Variants in PRPH observed in about 807,000 individuals in gnomAD.
The protein encoded by PRPH is neurofilament 4 (57kD).
Under a neutral mutation model 52.6 loss-of-function variants are expected in PRPH, and 48 were observed. The ratio of observed to expected loss-of-function variants is 0.91; its 90% CI spans 0.72 to 1.16. The LOEUF (loss-of-function observed/expected upper bound fraction) is 1.16. Ranked by LOEUF, PRPH falls within the 50% of genes most tolerant of loss-of-function variation. The probability of loss-of-function intolerance (pLI) is 0.00; values close to 1 mark genes in which losing one functional copy is unlikely to be tolerated. For synonymous variants in PRPH, 279 were observed against 283.8 expected, an observed-to-expected ratio of 0.98 and a Z score of 0.17; for missense variants, 579 against 635.7, an observed-to-expected ratio of 0.91 and a Z score of 0.96.
Position 49,296,322 on chromosome 12 carries a change from G to A in PRPH, c.606+84G>A. 1 of 1,571,398 alleles carries A rather than the reference G, an allele frequency of 6.4e-7. No homozygotes were observed. Among genetic ancestry groups the A allele is most frequent in the Non-Finnish European group, 8.7e-7 (1 of 1,146,596 alleles). On this transcript the variant is annotated intron_variant, in intron 2 of 8. Transcript: ENST00000257860. This position sits in a 1 kb window ranked among gnomAD's most constrained non-coding sequence, Gnocchi z 5.1. ...CCAGAGGTGGCATCGGTGGGCGCGG[G>A]GAGAAGGGGGTAACCCAGATGCCTC...
At position 49,295,448 on chromosome 12, in the gene PRPH, C is replaced by G. The variant is rs748951608; in HGVS notation, c.248C>G (p.Ala83Gly). 1 of 1,607,378 alleles carries G rather than the reference C, an allele frequency of 6.2e-7. No individual in the cohort carries two copies. Among genetic ancestry groups the G allele is most frequent in the Non-Finnish European group, 8.5e-7 (1 of 1,177,640 alleles). Residue 83 changes from alanine (A) to glycine (G), a missense_variant, in exon 1 of 9, where the codon GCC (alanine) becomes GGC (glycine). Physicochemically the swap from Ala to Gly is moderately conservative, Grantham distance 60 (BLOSUM62 0). Coordinates refer to ENST00000257860, the MANE Select transcript of PRPH (RefSeq NM_006262.4). ...LPSERLDFSM[A>G]EALNQEFLAT... The stretch of plus-strand genomic sequence containing the variant: ...TCGGAGCGCCTCGACTTCTCCATGG[C>G]CGAGGCCCTCAACCAGGAGTTCCTG...
At chr12:49,298,173 G>A in intron 8 of PRPH, 115 bp from the exon 9 acceptor site, 1 of 1,478,654 alleles carries the variant, frequency 6.8e-7, no homozygotes, top group Non-Finnish European at 9.3e-7. Flanking sequence ...AACGTGGATA[G>A]ATAACCAGGA....
chr12:49,295,553 T>C lies in PRPH; in HGVS notation c.353T>C (p.Leu118Pro). The change falls in exon 1 of 9, where the codon CTG becomes CCG. Residue 118 changes from leucine to proline, a missense_variant. Physicochemically the swap from Leu to Pro is moderately conservative, Grantham distance 98 (BLOSUM62 -3). Transcript: ENST00000257860. ...AACTTCATCGAGAAGGTACGCTTTCTGGAGCAGCAGAACGCGGCCCTGCGC... is the reference window on the plus strand; with the variant it reads ...AACTTCATCGAGAAGGTACGCTTTCCGGAGCAGCAGAACGCGGCCCTGCGC... ...FANFIEKVRF[L>P]EQQNAALRGE... 6.3e-7 allele frequency: 1 copy of C among 1,580,098 alleles called. No homozygotes were observed. Among genetic ancestry groups the C allele is most frequent in the Non-Finnish European group, 8.6e-7 (1 of 1,163,368 alleles).
rs1943209665 is a variant in PRPH, at chr12:49,297,854, C to T, written c.1268-104C>T. 6.4e-7 allele frequency: 1 copy of T among 1,571,902 alleles called. No homozygotes were observed. The highest frequency in any genetic ancestry group is 8.8e-7 in the Non-Finnish European group (1 of 1,142,380). On this transcript the variant is annotated intron_variant, in intron 7 of 8. Transcript: ENST00000257860. The surrounding 1 kb of genome is among the most constrained non-coding windows in gnomAD (Gnocchi z 4.4). ...GGGTCCTGGCCTGTACCCACCCCTA[C>T]TCCTCAAACCCGCCCCTCCCCTGCC...
intron 8 of PRPH, 71 bp from the exon 9 acceptor site, chr12:49,298,217 A>G (rs1010006050): frequency 6.6e-5 from 104 of 1,583,972 alleles, no homozygotes; most frequent in African/African-American, 2.7e-5. Flanking sequence ...GTGGGGCTCT[A>G]TGATCCAAAG....
Position 49,296,124 on chromosome 12 carries a change from G to A in PRPH, c.546-54G>A. On this transcript the variant is annotated intron_variant, in intron 1 of 8. Coordinates refer to ENST00000257860, the MANE Select transcript of PRPH (RefSeq NM_006262.4). The surrounding 1 kb of genome is among the most constrained non-coding windows in gnomAD (Gnocchi z 5.1). ...GATCCTGGGGGGCGTGCGGTCTGGG[G>A]TGCGAGCTGGGCGGCGACCCCGCAG... 1.9e-6 allele frequency: 3 copies of A among 1,574,084 alleles called. No homozygotes were observed. Among genetic ancestry groups the A allele is most frequent in the Non-Finnish European group, 2.6e-6 (3 of 1,156,490 alleles).
rs1476598536 is a variant in PRPH at position 49,297,908 on chromosome 12, G to C, written c.1268-50G>C. The stretch of plus-strand genomic sequence containing the variant: ...AGGGATAGCAGTGGGAGCCTAAGAG[G>C]AGAGATTCCCACGCCTTCCCCCTTG... On this transcript the variant is annotated intron_variant, in intron 7 of 8. Transcript: ENST00000257860. This position sits in a 1 kb window ranked among gnomAD's most constrained non-coding sequence, Gnocchi z 4.4. 6.2e-7 allele frequency: 1 copy of C among 1,604,774 alleles called. No homozygotes were observed. Among genetic ancestry groups the C allele is most frequent in the Non-Finnish European group, 8.5e-7 (1 of 1,171,592 alleles).
chr12:49,297,201 CA>C lies in PRPH; in HGVS notation c.926del (p.Lys309SerfsTer4). On this transcript the variant is annotated frameshift_variant, in exon 5 of 9. Coordinates refer to ENST00000257860, the MANE Select transcript of PRPH (RefSeq NM_006262.4). LOFTEE classifies it high-confidence loss of function. The surrounding 1 kb of genome is among the most constrained non-coding windows in gnomAD (Gnocchi z 4.4). ...NRNHEALRQA[K>X]QEMNESRRQI... is the part of the protein sequence containing the mutation. Reference sequence around the variant, plus strand: ...GGAACCACGAGGCCCTGCGCCAGGCCAAGCAGGAGATGAACGAGTCCCGACG... The same window carrying C: ...GGAACCACGAGGCCCTGCGCCAGGCCAGCAGGAGATGAACGAGTCCCGACG... 6.2e-7 allele frequency: 1 copy of C among 1,614,030 alleles called. No homozygotes were observed. The highest frequency in any genetic ancestry group is 8.5e-7 in the Non-Finnish European group (1 of 1,180,002).
intron 8 of PRPH, 89 bp from the exon 9 acceptor site, chr12:49,298,199 C>A (rs369434986): frequency 1.9e-6 from 3 of 1,548,586 alleles, no homozygotes; most frequent in African/African-American, 1.4e-5. Flanking sequence ...TGCTGGTTAC[C>A]CCAGGGAGTG....
Position 49,295,748 on chromosome 12 carries a change from CA to C in PRPH, c.545+4del. ...GACCTGGCGGCGCTCAAGCAGAGGT[CA>C]GGGGGCAGGGCTGGGCCGCTGCCGT... is the stretch of plus-strand genomic sequence containing the variant. On this transcript the variant is annotated splice_donor_region_variant and intron_variant, in intron 1 of 8. Coordinates refer to ENST00000257860, the MANE Select transcript of PRPH (RefSeq NM_006262.4). The C allele has an allele frequency of 6.7e-7, 1 of 1,498,988 alleles. No individual in the cohort carries two copies. Among genetic ancestry groups the C allele is most frequent in the Non-Finnish European group, 8.8e-7 (1 of 1,132,166 alleles). 92.9% of individuals were successfully genotyped at this position (1,498,988 alleles called of 1,614,324 possible).
chr12:49,295,781 G>T, intron 1 of PRPH, 36 bp downstream of exon 1: 2 of 1,447,430 alleles, frequency 1.4e-6, no homozygotes, highest in Non-Finnish European at 1.8e-6. Context: ...CCGTCGAGGC[G>T]AGGTCGAAGC....
chr12:49,296,592 G>A lies in PRPH; in HGVS notation c.702+65G>A. Reference sequence around the variant, plus strand: ...GGGGTGGTCTCGCTGGAGCTGGCGGGTGGAGCGGAGGCATCGCCCTGGGGA... The same window carrying A: ...GGGGTGGTCTCGCTGGAGCTGGCGGATGGAGCGGAGGCATCGCCCTGGGGA... On this transcript the variant is annotated intron_variant, in intron 3 of 8. Coordinates refer to ENST00000257860, the MANE Select transcript of PRPH (RefSeq NM_006262.4). This position sits in a 1 kb window ranked among gnomAD's most constrained non-coding sequence, Gnocchi z 5.1. The A allele has an allele frequency of 6.8e-7, 1 of 1,462,888 alleles. No individual in the cohort carries two copies. Among genetic ancestry groups the A allele is most frequent in the Non-Finnish European group, 9.5e-7 (1 of 1,051,536 alleles). 90.6% of individuals were successfully genotyped at this position (1,462,888 alleles called of 1,614,324 possible).
In PRPH at chr12:49,295,649, A is replaced by T. The variant is rs1437037701; in HGVS notation, c.449A>T (p.Glu150Val). The change falls in exon 1 of 9, where the codon GAG becomes GTG. Residue 150 changes from glutamate (E) to valine (V), a missense_variant. Transcript: ENST00000257860. Reference protein sequence around the residue: ...ADQLCQQELRELRRELELLGR... With the variant: ...ADQLCQQELRVLRRELELLGR... ...CAGCTGTGCCAGCAGGAGCTGCGCG[A>T]GCTGCGGCGAGAGCTGGAGCTGTTG... 6.5e-7 allele frequency: 1 copy of T among 1,539,552 alleles called. No individual in the cohort carries two copies. Among genetic ancestry groups the T allele is most frequent in the East Asian group, 2.5e-5 (1 of 40,702 alleles).
chr12:49,296,252 C>T lies in PRPH; in HGVS notation c.606+14C>T. The T allele has an allele frequency of 6.2e-7, 1 of 1,612,566 alleles. No homozygotes were observed. On this transcript the variant is annotated intron_variant, in intron 2 of 8. Coordinates refer to ENST00000257860, the MANE Select transcript of PRPH (RefSeq NM_006262.4). This position sits in a 1 kb window ranked among gnomAD's most constrained non-coding sequence, Gnocchi z 5.1. ...CTCTTCCGCAAGGTGAGTCCGAGCCCCTCTCCGAGTTCAGCCTCCCCACCG... is the reference window on the plus strand; with the variant it reads ...CTCTTCCGCAAGGTGAGTCCGAGCCTCTCTCCGAGTTCAGCCTCCCCACCG...
In PRPH at chr12:49,297,418, G is replaced by A. The variant is rs777418543; in HGVS notation, c.1058G>A (p.Gly353Asp). ...LEEQFALEAG[G>D]YQAGAARLEE... is the part of the protein sequence containing the mutation. ...GAGCAGTTCGCCCTGGAGGCGGGGG[G>A]CTACCAGGCGGGCGCTGCGCGGCTC... The change falls in exon 6 of 9, where the codon GGC (glycine) becomes GAC (aspartate). Residue 353 changes from glycine (G) to aspartate (D), a missense_variant. Gly to Asp is a moderately conservative substitution (Grantham distance 94, BLOSUM62 -1). Transcript: ENST00000257860. The surrounding 1 kb of genome is among the most constrained non-coding windows in gnomAD (Gnocchi z 4.4). The A allele has an allele frequency of 1.2e-5, 19 of 1,613,158 alleles. No individual in the cohort carries two copies. Among genetic ancestry groups the A allele is most frequent in the Admixed American group, 1.7e-5 (1 of 59,960 alleles).
chr12:49,297,456 C>A lies in PRPH; in HGVS notation c.1096C>A (p.Arg366=), dbSNP rs751294625. ...AGAARLEEEL[R]QLKEEMARHL... ...CGCTGCGCGGCTCGAGGAGGAGCTG[C>A]GACAGCTAAAAGAGGAGATGGCGCG... is the stretch of plus-strand genomic sequence containing the variant. The change falls in exon 6 of 9, where the codon CGA becomes AGA. Residue 366 remains arginine, a synonymous_variant. Transcript: ENST00000257860. The surrounding 1 kb of genome is among the most constrained non-coding windows in gnomAD (Gnocchi z 4.4). The A allele has an allele frequency of 1.2e-6, 2 of 1,611,748 alleles. No individual in the cohort carries two copies.
In PRPH at chr12:49,296,831, TGCG is replaced by T; in HGVS notation, c.703-57_703-55del. The T allele has an allele frequency of 6.4e-7, 1 of 1,565,380 alleles. No individual in the cohort carries two copies. The highest frequency in any genetic ancestry group is 8.7e-7 in the Non-Finnish European group (1 of 1,154,974). On this transcript the variant is annotated intron_variant, in intron 3 of 8. Transcript: ENST00000257860. The surrounding 1 kb of genome is among the most constrained non-coding windows in gnomAD (Gnocchi z 5.1). ...TTTCTTCTCTTTTCTGTGCACGAAC[TGCG>T]TGGCCCGCGTGGAATTTGCGCCGCT... is the stretch of plus-strand genomic sequence containing the variant.
At position 49,295,664 on chromosome 12, in the gene PRPH, T is replaced by C. The variant is rs1268775215; in HGVS notation, c.464T>C (p.Leu155Pro). 1.3e-6 allele frequency: 2 copies of C among 1,537,290 alleles called. No individual in the cohort carries two copies. The highest frequency in any genetic ancestry group is 1.7e-6 in the Non-Finnish European group (2 of 1,144,634). ...QQELRELRRE[L>P]ELLGRERDRV... is the part of the protein sequence containing the mutation. ...GAGCTGCGCGAGCTGCGGCGAGAGC[T>C]GGAGCTGTTGGGCCGCGAGCGTGAC... is the stretch of plus-strand genomic sequence containing the variant. The change falls in exon 1 of 9, where the codon CTG becomes CCG. Residue 155 changes from leucine to proline, a missense_variant. Physicochemically the swap from Leu to Pro is moderately conservative, Grantham distance 98. Coordinates refer to ENST00000257860, the MANE Select transcript of PRPH (RefSeq NM_006262.4).
Position 49,297,020 on chromosome 12 carries a change from G to T in PRPH, c.834G>T (p.Lys278Asn). Residue 278 changes from lysine to asparagine, a missense_variant, in exon 4 of 9, where the codon AAG becomes AAT. Coordinates refer to ENST00000257860, the MANE Select transcript of PRPH (RefSeq NM_006262.4). This position sits in a 1 kb window ranked among gnomAD's most constrained non-coding sequence, Gnocchi z 4.4. ...IRAQYESIAA[K>N]NLQEAEEWYK... ...CGCAGTACGAGAGCATCGCCGCGAA[G>T]AACCTGCAGGAGGCGGAGGAGTGGT... 6.2e-7 allele frequency: 1 copy of T among 1,613,940 alleles called. No individual in the cohort carries two copies. Among genetic ancestry groups the T allele is most frequent in the Non-Finnish European group, 8.5e-7 (1 of 1,179,968 alleles).
Sources: allele counts gnomAD v4.1 joint callset, GRCh38; gene constraint gnomAD v4.1.1; non-coding constraint Gnocchi (gnomAD v3.1); transcripts MANE v1.5; gene names NCBI Gene and HGNC (gene_info 2026-07-23, HGNC 2026-07-21).